The following SGK1 variants were observed in gnomAD, a reference collection of about 807,000 sequenced individuals.
SGK1 encodes the protein serine/threonine-protein kinase Sgk1.
SGK1 carries 26 observed loss-of-function variants against 64.2 expected under a neutral mutation model. That is an observed-to-expected ratio of 0.40 (90% CI 0.30 to 0.56). SGK1 has a LOEUF of 0.56. Ranked by LOEUF, SGK1 falls within the 20% of genes least tolerant of loss-of-function variation. The pLI, the probability that SGK1 is intolerant of heterozygous loss-of-function variation, is 0.38. For synonymous variants in SGK1, 265 were observed against 239.7 expected, an observed-to-expected ratio of 1.11 and a Z score of -0.98; for missense variants, 519 against 645.6, an observed-to-expected ratio of 0.80 and a Z score of 2.12.
chr6:134,220,450 T>C (rs1383157784), intron 2 of SGK1, among the ~76,000 whole-genome samples: 2 of 152,194 alleles, frequency 1.3e-5, no homozygotes, highest in Non-Finnish European at 1.5e-5. Flanking sequence ...CTTGCATTTA[T>C]TTTAGAGCGG....
chr6:134,287,985 T>C (rs1267496489), intron 1 of SGK1, among the ~76,000 whole-genome samples: 2 of 152,186 alleles, frequency 1.3e-5, no homozygotes, highest in African/African-American at 4.8e-5. Context: ...TCTCCTTACC[T>C]AACCTAAGAT....
At chr6:134,200,095 G>T (rs779558315) in intron 3 of SGK1, among the ~76,000 whole-genome samples, 1 of 152,038 alleles carries the variant, frequency 6.6e-6, no homozygotes, top group Admixed American at 6.6e-5. Context: ...CAGGACCAGC[G>T]ATTGAAAAAC....
chr6:134,173,343 T>A lies in SGK1; in HGVS notation c.633A>T (p.Arg211Ser). 1 of 1,612,930 alleles carries A rather than the reference T, an allele frequency of 6.2e-7. No individual in the cohort carries two copies. The highest frequency in any genetic ancestry group is 8.5e-7 in the Non-Finnish European group (1 of 1,179,086). Residue 211 changes from arginine to serine, a missense_variant, in exon 7 of 14, where the codon AGA becomes AGT. Physicochemically the swap from Arg to Ser is moderately radical, Grantham distance 110 (BLOSUM62 -1). Around this residue, in one of 2 missense-constraint regions of SGK1, gnomAD observed 278 missense variants for 408.7 expected, o/e 0.68. Transcript: ENST00000367858. ...CATAGAACACTTCTTCTGCCTTGTG[T>A]CTTGCTAGAAGAACCTGAAATTTCA... ...KGSFGKVLLA[R>S]HKAEEVFYAV...
intron 2 of SGK1, among the ~76,000 whole-genome samples, chr6:134,219,830 C>A (rs1248842894): frequency 6.8e-6 from 1 of 147,994 alleles, no homozygotes; most frequent in African/African-American, 2.5e-5. Flanking sequence ...GAGGCCGAGG[C>A]GGGCGGATCA....
chr6:134,215,405 G>A (rs1398346288), intron 2 of SGK1, among the ~76,000 whole-genome samples: 1 of 151,254 alleles, frequency 6.6e-6, no homozygotes, highest in Non-Finnish European at 1.5e-5. Context: ...CATGAGCCAC[G>A]GCGCCTGGCC....
intron 3 of SGK1, chr6:134,175,031 T>A: frequency 1.3e-6 from 1 of 794,124 alleles, no homozygotes; most frequent in Non-Finnish European, 1.8e-6. Flanking sequence ...CTGTCCCCAT[T>A]GAGAGGGCGA....
At chr6:134,184,798 C>T (rs1479913660) in intron 3 of SGK1, among the ~76,000 whole-genome samples, 7 of 152,280 alleles carry the variant, frequency 4.6e-5, no homozygotes, top group African/African-American at 1.7e-4. Context: ...ATCTTCCCAC[C>T]TCAGCCTCTC....
At position 134,170,445 on chromosome 6, in the gene SGK1, G is replaced by C; in HGVS notation, c.1414-10C>G. The C allele has an allele frequency of 6.2e-7, 1 of 1,605,288 alleles. No individual in the cohort carries two copies. The stretch of plus-strand genomic sequence containing the variant: ...GGTCGTTGGGCCCACTCTGTGACGG[G>C]AAGGGAAAAACACTCTTGTCAAGAA... On this transcript the variant is annotated splice_polypyrimidine_tract_variant and intron_variant, in intron 13 of 13. Coordinates refer to ENST00000367858, the MANE Select transcript of SGK1 (RefSeq NM_001143676.3).
At chr6:134,234,514 T>C (rs541122731) in intron 2 of SGK1, among the ~76,000 whole-genome samples, 1 of 152,304 alleles carries the variant, frequency 6.6e-6, no homozygotes, top group East Asian at 1.9e-4. Flanking sequence ...GAGTATGATG[T>C]GAAGGAGCTG....
At chr6:134,174,469 T>C in intron 4 of SGK1, 42 bp downstream of exon 4, 1 of 1,476,294 alleles carries the variant, frequency 6.8e-7, no homozygotes, top group Non-Finnish European at 9.4e-7. Context: ...GCTGGCAAAT[T>C]CAAACTATAC....
At chr6:134,291,299 G>A (rs1777259748) in intron 1 of SGK1, among the ~76,000 whole-genome samples, 1 of 152,068 alleles carries the variant, frequency 6.6e-6, no homozygotes, top group Admixed American at 6.6e-5. Context: ...AATTACAGGA[G>A]GCTGTTGAAC....
At chr6:134,174,787 A>T (rs1161767160) in intron 3 of SGK1, 3 of 1,614,172 alleles carry the variant, frequency 1.9e-6, no homozygotes, top group Non-Finnish European at 1.7e-6. Context: ...TGCCCTTAGC[A>T]GCCTCAGTTT....
intron 3 of SGK1, among the ~76,000 whole-genome samples, chr6:134,206,396 T>A (rs1775786076): frequency 8.3e-6 from 1 of 120,530 alleles, no homozygotes; most frequent in African/African-American, 3.6e-5. Flanking sequence ...TTTTTTTTTT[T>A]TTTTTTTTTT....
At chr6:134,198,056 A>G (rs1775624592) in intron 3 of SGK1, among the ~76,000 whole-genome samples, 1 of 152,156 alleles carries the variant, frequency 6.6e-6, no homozygotes, top group Non-Finnish European at 1.5e-5. Context: ...GGTGGAGGGT[A>G]TACAAGATAT....
At chr6:134,231,549 G>A (rs1177431707) in intron 2 of SGK1, among the ~76,000 whole-genome samples, 1 of 152,078 alleles carries the variant, frequency 6.6e-6, no homozygotes, top group Non-Finnish European at 1.5e-5. Context: ...AAATATTTTA[G>A]GAGCTTTAAA....
intron 1 of SGK1, among the ~76,000 whole-genome samples, chr6:134,313,522 A>G (rs1777636681): frequency 6.6e-6 from 1 of 151,722 alleles, no homozygotes; most frequent in Admixed American, 6.6e-5. Flanking sequence ...GAAAGACTTG[A>G]CTAGTTTGAT....
chr6:134,237,660 AGT>A (rs2114721190), intron 2 of SGK1, among the ~76,000 whole-genome samples: 2 of 152,296 alleles, frequency 1.3e-5, no homozygotes, highest in East Asian at 3.9e-4. Context: ...CCTGAGTGAC[AGT>A]GAGGCTCTGT....
chr6:134,297,463 T>C, intron 1 of SGK1: 1 of 646,260 alleles, frequency 1.5e-6, no homozygotes, highest in Non-Finnish European at 2.9e-6. Context: ...AGACCCTCAG[T>C]CTCAGCCTGG....
Position 134,174,551 on chromosome 6 carries a change from AGTC to A in SGK1, c.394_396del (p.Asp132del). ...GAGTTATTGGCAATCTTCTGAATAA[AGTC>A]GTTCAGACCCATCCTCCTCTGCTTC... On this transcript the variant is annotated inframe_deletion, in exon 4 of 14. Coordinates refer to ENST00000367858, the MANE Select transcript of SGK1 (RefSeq NM_001143676.3). 2 of 1,614,054 alleles carry A rather than the reference AGTC, an allele frequency of 1.2e-6. No individual in the cohort carries two copies. Among genetic ancestry groups the A allele is most frequent in the Non-Finnish European group, 1.7e-6 (2 of 1,179,872 alleles).
Sources: allele counts gnomAD v4.1 joint callset (sites outside exome capture counted in the v4.1 genomes callset), GRCh38; gene constraint gnomAD v4.1.1; regional missense constraint gnomAD v4.1.1; transcripts MANE v1.5; gene names NCBI Gene and HGNC (gene_info 2026-07-23, HGNC 2026-07-21).